Variants in EYS observed in about 807,000 individuals in gnomAD.
EYS encodes the protein EGF-like photoreceptor maintenance factor.
In EYS, 250 loss-of-function variants were observed where a neutral mutation model predicts 282.1. That is an observed-to-expected ratio of 0.89 (90% CI 0.80 to 0.98). The LOEUF (loss-of-function observed/expected upper bound fraction) is 0.98, where lower values mean the gene tolerates loss of function less well. Ranked by LOEUF, EYS falls within the 50% of genes least tolerant of loss-of-function variation. EYS has a pLI of 0.00. For missense variants in EYS, 4,016 were observed against 3,709.0 expected (o/e 1.08, Z -2.15); for synonymous variants, 1,355 against 1,282.9 (o/e 1.06, Z -1.20).
At chr6:64,313,074 C>A (rs1194263620) in intron 29 of EYS, among the ~76,000 whole-genome samples, 2 of 152,172 alleles carry the variant, frequency 1.3e-5, no homozygotes, top group African/African-American at 4.8e-5. Flanking sequence ...TAGGTAATAA[C>A]AAACTCCTCT....
intron 12 of EYS, among the ~76,000 whole-genome samples, chr6:65,097,440 T>A (rs2150181477): frequency 6.6e-6 from 1 of 151,002 alleles, no homozygotes; most frequent in African/African-American, 2.4e-5. Flanking sequence ...GTATGCAAAA[T>A]TCCTCTCAAA....
At chr6:64,834,839 A>G (rs1765333874) in intron 19 of EYS, among the ~76,000 whole-genome samples, 1 of 151,824 alleles carries the variant, frequency 6.6e-6, no homozygotes, top group Non-Finnish European at 1.5e-5. Flanking sequence ...CTTAGTTGTT[A>G]ATTTGATTTA....
chr6:65,124,009 T>C (rs1199902854), intron 12 of EYS, among the ~76,000 whole-genome samples: 1 of 124,830 alleles, frequency 8.0e-6, no homozygotes, highest in Non-Finnish European at 1.7e-5. Flanking sequence ...GTGAAATCTC[T>C]ACGAAACAGA....
chr6:65,063,535 C>T (rs756769657), intron 12 of EYS, among the ~76,000 whole-genome samples: 6 of 151,944 alleles, frequency 3.9e-5, no homozygotes, highest in East Asian at 1.9e-4. Context: ...AGAGCAGTAG[C>T]TCTTTCACTT....
intron 29 of EYS, among the ~76,000 whole-genome samples, chr6:64,366,138 A>G (rs989630753): frequency 2.6e-5 from 4 of 152,014 alleles, no homozygotes; most frequent in Admixed American, 6.6e-5. Flanking sequence ...CTCTTCTGCC[A>G]TTAGGAAGTG....
intron 35 of EYS, among the ~76,000 whole-genome samples, chr6:63,875,150 A>G (rs1364428645): frequency 6.6e-6 from 1 of 152,198 alleles, no homozygotes; most frequent in Non-Finnish European, 1.5e-5. Flanking sequence ...TGTCCCATCA[A>G]TACCTAGTTT....
At chr6:64,923,012 CT>C (rs1196574957) in intron 15 of EYS, among the ~76,000 whole-genome samples, 1 of 152,008 alleles carries the variant, frequency 6.6e-6, no homozygotes, top group Non-Finnish European at 1.5e-5. Flanking sequence ...CTCTTGTTTA[CT>C]TTTTTTGGGG....
chr6:65,544,551 G>T (rs1465663622), intron 2 of EYS, among the ~76,000 whole-genome samples: 1 of 152,062 alleles, frequency 6.6e-6, no homozygotes, highest in African/African-American at 2.4e-5. Flanking sequence ...ACCATGTGAA[G>T]AAGAATGTGT....
intron 31 of EYS, among the ~76,000 whole-genome samples, chr6:64,145,065 A>G (rs766520818): frequency 6.6e-6 from 1 of 152,194 alleles, no homozygotes; most frequent in Admixed American, 6.6e-5. Context: ...TGAACACAAA[A>G]GGATGATAAA....
intron 28 of EYS, among the ~76,000 whole-genome samples, chr6:64,435,074 C>A (rs565869801): frequency 6.6e-6 from 1 of 151,884 alleles, no homozygotes; most frequent in African/African-American, 2.4e-5. Context: ...GTACTGCCCC[C>A]AGCATTTGTT....
At chr6:64,165,514 G>T (rs920965135) in intron 31 of EYS, among the ~76,000 whole-genome samples, 1 of 152,000 alleles carries the variant, frequency 6.6e-6, no homozygotes, top group African/African-American at 2.4e-5. Context: ...TTTAGAATTT[G>T]GAAAATGTAT....
chr6:63,893,581 T>TG (rs1554185430), intron 35 of EYS, among the ~76,000 whole-genome samples: 1 of 151,924 alleles, frequency 6.6e-6, no homozygotes, highest in Non-Finnish European at 1.5e-5. Flanking sequence ...TGTTGGTGGT[T>TG]GGGGGGCAAG....
chr6:64,070,476 C>T (rs1030424430), intron 32 of EYS, among the ~76,000 whole-genome samples: 2 of 151,874 alleles, frequency 1.3e-5, no homozygotes, highest in Non-Finnish European at 1.5e-5. Context: ...TGAGTTTTAT[C>T]GGCAAAAAAT....
intron 2 of EYS, among the ~76,000 whole-genome samples, chr6:65,616,569 C>T (rs1766205084): frequency 1.3e-5 from 2 of 152,086 alleles, no homozygotes; most frequent in Admixed American, 1.3e-4. Flanking sequence ...GGGTGGATCA[C>T]GAGGTCAAGA....
chr6:64,956,029 A>G (rs970340336), intron 14 of EYS, among the ~76,000 whole-genome samples: 8 of 152,342 alleles, frequency 5.3e-5, no homozygotes, highest in South Asian at 2.1e-4. Flanking sequence ...AAAGCAGTCT[A>G]CACATTCAGT....
intron 19 of EYS, among the ~76,000 whole-genome samples, chr6:64,824,179 T>G (rs539853827): frequency 2.6e-5 from 4 of 152,046 alleles, no homozygotes; most frequent in South Asian, 4.1e-4. Context: ...CACTTCCCTT[T>G]CATGCTGGGC....
At chr6:64,737,051 A>T (rs1166001350) in intron 22 of EYS, among the ~76,000 whole-genome samples, 2 of 152,156 alleles carry the variant, frequency 1.3e-5, no homozygotes, top group Non-Finnish European at 1.5e-5. Flanking sequence ...TGAAGAAACA[A>T]TGTAATGTAC....
intron 12 of EYS, among the ~76,000 whole-genome samples, chr6:65,214,821 C>T (rs954966476): frequency 6.6e-6 from 1 of 152,094 alleles, no homozygotes; most frequent in East Asian, 1.9e-4. Context: ...TTCAGAATAC[C>T]GTTCTGAAAA....
chr6:64,592,469 A>C (rs942438826), intron 25 of EYS, among the ~76,000 whole-genome samples: 10 of 152,182 alleles, frequency 6.6e-5, no homozygotes, highest in African/African-American at 2.4e-4. Context: ...AAAATAGACA[A>C]GGTACATTTC....
Sources: allele counts gnomAD v4.1 joint callset (sites outside exome capture counted in the v4.1 genomes callset), GRCh38; gene constraint gnomAD v4.1.1; transcripts MANE v1.5; gene names NCBI Gene and HGNC (gene_info 2026-07-23, HGNC 2026-07-21).